PLPPR1: variants seen among roughly 807,000 people sequenced by gnomAD.
PLPPR1 encodes the protein phospholipid phosphatase related 1.
In PLPPR1, 10 loss-of-function variants were observed where a neutral mutation model predicts 33.1. The observed-to-expected ratio is 0.30, with a 90% confidence interval of 0.19 to 0.51. The LOEUF (loss-of-function observed/expected upper bound fraction) is 0.51, where lower values mean the gene tolerates loss of function less well. Ranked by LOEUF, PLPPR1 falls within the 20% of genes least tolerant of loss-of-function variation. The pLI is 0.97. For missense variants in PLPPR1, 304 were observed against 408.1 expected, an observed-to-expected ratio of 0.74 and a Z score of 2.20; for synonymous variants, 151 against 151.0, an observed-to-expected ratio of 1.00 and a Z score of 0.00.
At chr9:101,242,665 A>G (rs140616943) in intron 2 of PLPPR1, among the ~76,000 whole-genome samples, 1 of 152,184 alleles carries the variant, frequency 6.6e-6, no homozygotes, top group African/African-American at 2.4e-5. Flanking sequence ...ATCACTGCCT[A>G]TATGTTCTAG....
intron 2 of PLPPR1, among the ~76,000 whole-genome samples, chr9:101,203,635 T>C (rs1193239686): frequency 6.6e-6 from 1 of 151,984 alleles, no homozygotes; most frequent in Non-Finnish European, 1.5e-5. Context: ...AAAATGGACA[T>C]CTGTGCAAAC....
intron 2 of PLPPR1, among the ~76,000 whole-genome samples, chr9:101,257,865 C>A (rs1006894022): frequency 3.3e-5 from 5 of 151,744 alleles, no homozygotes. Context: ...ATTTTTAAAT[C>A]CTTAAGTAAG....
At chr9:101,061,212 T>C (rs1830343830) in intron 1 of PLPPR1, among the ~76,000 whole-genome samples, 1 of 151,964 alleles carries the variant, frequency 6.6e-6, no homozygotes, top group South Asian at 2.1e-4. Flanking sequence ...TTTGCCATTC[T>C]AATATCTTGA....
intron 2 of PLPPR1, among the ~76,000 whole-genome samples, chr9:101,223,868 T>C (rs1468876247): frequency 6.6e-6 from 1 of 152,208 alleles, no homozygotes; most frequent in Non-Finnish European, 1.5e-5. Context: ...ATGAAGTACA[T>C]ATATACATTA....
intron 1 of PLPPR1, among the ~76,000 whole-genome samples, chr9:101,120,404 A>C (rs1157131468): frequency 6.6e-6 from 1 of 152,204 alleles, no homozygotes; most frequent in Non-Finnish European, 1.5e-5. Flanking sequence ...GTATCTTATC[A>C]ATGTCTTTAT....
chr9:101,040,400 G>A (rs536390254), intron 1 of PLPPR1, among the ~76,000 whole-genome samples: 3 of 151,988 alleles, frequency 2.0e-5, no homozygotes, highest in Non-Finnish European at 4.4e-5. Flanking sequence ...AAACTGTCCA[G>A]CCTCTCCTTT....
intron 1 of PLPPR1, among the ~76,000 whole-genome samples, chr9:101,084,141 G>C (rs1369219606): frequency 6.6e-6 from 1 of 152,196 alleles, no homozygotes. Flanking sequence ...GGGAAAATTT[G>C]TTGGAAATGA....
At chr9:101,196,268 G>C (rs1396265534) in intron 2 of PLPPR1, among the ~76,000 whole-genome samples, 1 of 152,156 alleles carries the variant, frequency 6.6e-6, no homozygotes, top group African/African-American at 2.4e-5. Flanking sequence ...TATAAAAACA[G>C]ACTTTATAGG....
intron 1 of PLPPR1, chr9:101,125,430 A>T: frequency 4.5e-6 from 1 of 223,058 alleles, no homozygotes; most frequent in Non-Finnish European, 9.1e-6. Flanking sequence ...ACTTATCTCT[A>T]CATCTTTCCT....
At chr9:101,153,360 C>G (rs1350149189) in intron 1 of PLPPR1, among the ~76,000 whole-genome samples, 1 of 152,144 alleles carries the variant, frequency 6.6e-6, no homozygotes, top group Admixed American at 6.5e-5. Context: ...TTGACTTCCT[C>G]TTTTCCTAAT....
At chr9:101,254,699 A>G (rs1345766249) in intron 2 of PLPPR1, among the ~76,000 whole-genome samples, 1 of 151,358 alleles carries the variant, frequency 6.6e-6, no homozygotes, top group Non-Finnish European at 1.5e-5. Flanking sequence ...TTAGAAAAGT[A>G]TTAGACATAT....
At chr9:101,128,416 T>G (rs1350608387) in intron 1 of PLPPR1, among the ~76,000 whole-genome samples, 2 of 152,234 alleles carry the variant, frequency 1.3e-5, no homozygotes, top group African/African-American at 4.8e-5. Context: ...ATAATAATCT[T>G]ACCTACTCTT....
chr9:101,130,383 A>T (rs1376909359), intron 1 of PLPPR1, among the ~76,000 whole-genome samples: 1 of 152,176 alleles, frequency 6.6e-6, no homozygotes, highest in Admixed American at 6.5e-5. Flanking sequence ...GCATAACCCC[A>T]GGAAAGTTAC....
intron 2 of PLPPR1, among the ~76,000 whole-genome samples, chr9:101,199,275 G>C (rs1361197174): frequency 6.6e-6 from 1 of 152,116 alleles, no homozygotes; most frequent in Non-Finnish European, 1.5e-5. Flanking sequence ...TTATAACTCA[G>C]GAAACTTAAA....
At chr9:101,071,782 C>A (rs1159534100) in intron 1 of PLPPR1, among the ~76,000 whole-genome samples, 1 of 152,086 alleles carries the variant, frequency 6.6e-6, no homozygotes, top group Non-Finnish European at 1.5e-5. Flanking sequence ...AATCTAAATA[C>A]TATGTCAGGA....
At chr9:101,128,898 G>T (rs995249824) in intron 1 of PLPPR1, among the ~76,000 whole-genome samples, 1 of 152,112 alleles carries the variant, frequency 6.6e-6, no homozygotes, top group Non-Finnish European at 1.5e-5. Flanking sequence ...AAATCCTGTT[G>T]TTCTCTCAAA....
chr9:101,081,610 A>T (rs1228705022), intron 1 of PLPPR1, among the ~76,000 whole-genome samples: 1 of 152,222 alleles, frequency 6.6e-6, no homozygotes, highest in Non-Finnish European at 1.5e-5. Context: ...TGGCATCTCT[A>T]TCCCTATACT....
intron 3 of PLPPR1, among the ~76,000 whole-genome samples, chr9:101,283,438 TAGGAAAACTGGCTATCCACATGCAG>T (rs1218681737): frequency 4.6e-5 from 7 of 152,192 alleles, no homozygotes. Flanking sequence ...TAAATTGTGT[TAGGAAAACTGGCTATCCACATGCAG>T]AAGAGTAAAA....
At chr9:101,266,416 G>A (rs1328892673) in intron 2 of PLPPR1, among the ~76,000 whole-genome samples, 98 of 105,268 alleles carry the variant, frequency 9.3e-4, no homozygotes, top group African/African-American at 1.5e-3. Flanking sequence ...AAGAAAGAAA[G>A]AAAGAAAGAA....
Sources: gnomAD v4.1 joint callset for allele counts (sites outside exome capture counted in the v4.1 genomes callset) on GRCh38, gnomAD v4.1.1 for gene constraint, MANE v1.5 for transcripts, NCBI Gene and HGNC (gene_info 2026-07-23, HGNC 2026-07-21) for gene names.